CPNE8: variants seen among roughly 807,000 people sequenced by gnomAD.
The protein encoded by CPNE8 is copine 8.
A neutral mutation model predicts 81.5 loss-of-function variants in CPNE8; 45 were observed. That is an observed-to-expected ratio of 0.55 (90% CI 0.44 to 0.71). The LOEUF is 0.71. Ranked by LOEUF, CPNE8 falls within the 30% of genes least tolerant of loss-of-function variation. The probability of loss-of-function intolerance (pLI) is 0.00; values close to 1 mark genes in which losing one functional copy is unlikely to be tolerated. For missense variants in CPNE8, 594 were observed against 672.1 expected (o/e 0.88, Z 1.28); for synonymous variants, 252 against 226.3 (o/e 1.11, Z -1.02).
chr12:38,721,576 A>G (rs1565583568), intron 13 of CPNE8, among the ~76,000 whole-genome samples: 1 of 152,160 alleles, frequency 6.6e-6, no homozygotes, highest in Non-Finnish European at 1.5e-5. Context: ...CTTCCTGGCT[A>G]TAGGAGAAGA....
At chr12:38,710,396 G>A (rs368580695) in intron 13 of CPNE8, among the ~76,000 whole-genome samples, 112 of 151,816 alleles carry the variant, frequency 7.4e-4, no homozygotes, top group African/African-American at 2.5e-3. Context: ...GAACTCTTGA[G>A]TCATATAGAC....
chr12:38,833,714 G>A (rs1943335534), intron 5 of CPNE8, among the ~76,000 whole-genome samples: 2 of 151,910 alleles, frequency 1.3e-5, no homozygotes, highest in South Asian at 2.1e-4. Flanking sequence ...TCCTGACCTC[G>A]TGATCTGCCC....
intron 1 of CPNE8, among the ~76,000 whole-genome samples, chr12:38,877,165 A>G (rs186050339): frequency 1.3e-5 from 2 of 152,308 alleles, no homozygotes; most frequent in Admixed American, 6.5e-5. Flanking sequence ...TTCTATGAGT[A>G]TTGAAAATGT....
At chr12:38,671,184 T>C (rs1191251791) in intron 18 of CPNE8, among the ~76,000 whole-genome samples, 3 of 152,182 alleles carry the variant, frequency 2.0e-5, no homozygotes, top group Non-Finnish European at 4.4e-5. Context: ...TTAATTTTTC[T>C]TTCTAATTTA....
At chr12:38,709,564 T>C (rs936533806) in intron 13 of CPNE8, among the ~76,000 whole-genome samples, 4 of 152,212 alleles carry the variant, frequency 2.6e-5, no homozygotes, top group African/African-American at 9.6e-5. Flanking sequence ...ATTGTTGCTG[T>C]GAGGACCATA....
chr12:38,730,387 A>G, intron 10 of CPNE8, 29 bp from the exon 11 acceptor site: 1 of 1,237,692 alleles, frequency 8.1e-7, no homozygotes, highest in Non-Finnish European at 1.2e-6. Context: ...AGTACATAAT[A>G]TTGGCTTTCA....
At chr12:38,790,114 C>T (rs529305353) in intron 6 of CPNE8, among the ~76,000 whole-genome samples, 179 of 151,682 alleles carry the variant, frequency 1.2e-3, no homozygotes, top group African/African-American at 4.0e-3. Flanking sequence ...TAGGTATATA[C>T]AAAAAAGAAA....
intron 13 of CPNE8, among the ~76,000 whole-genome samples, chr12:38,711,208 G>A (rs150758850): frequency 7.2e-5 from 11 of 152,248 alleles, no homozygotes; most frequent in East Asian, 3.9e-4. Flanking sequence ...GCATCACTCA[G>A]TTCTTTCAGT....
intron 10 of CPNE8, among the ~76,000 whole-genome samples, chr12:38,739,671 A>G (rs902746150): frequency 6.6e-6 from 1 of 152,140 alleles, no homozygotes; most frequent in Non-Finnish European, 1.5e-5. Flanking sequence ...ACCTTTTCCT[A>G]TTCACTTTTT....
At chr12:38,741,898 A>T (rs1398364685) in intron 10 of CPNE8, among the ~76,000 whole-genome samples, 1 of 152,268 alleles carries the variant, frequency 6.6e-6, no homozygotes, top group Non-Finnish European at 1.5e-5. Context: ...GGAAACATTT[A>T]TGCAGCCAAC....
intron 5 of CPNE8, among the ~76,000 whole-genome samples, chr12:38,836,593 C>T (rs1943384856): frequency 6.6e-6 from 1 of 152,066 alleles, no homozygotes. Context: ...CTACAAAATC[C>T]CTTTTATAAA....
At chr12:38,891,597 G>A (rs141134740) in intron 1 of CPNE8, among the ~76,000 whole-genome samples, 6,954 of 151,886 alleles carry the variant, frequency 0.046, 179 homozygotes, top group East Asian at 0.13. Flanking sequence ...ACAGGCAGGC[G>A]CCACCATGCC....
intron 16 of CPNE8, among the ~76,000 whole-genome samples, chr12:38,683,734 A>C (rs1278609316): frequency 2.6e-5 from 4 of 152,126 alleles, no homozygotes; most frequent in Non-Finnish European, 4.4e-5. Flanking sequence ...ATGACTCTTA[A>C]ATAGCCATCT....
intron 6 of CPNE8, among the ~76,000 whole-genome samples, chr12:38,820,368 C>G (rs1234705380): frequency 6.6e-6 from 1 of 151,452 alleles, no homozygotes; most frequent in Admixed American, 6.6e-5. Context: ...TTGTGCCACT[C>G]TACTCCAGCC....
At position 38,905,525 on chromosome 12, in the gene CPNE8, G is replaced by C; in HGVS notation, c.10C>G (p.Arg4Gly). 1 of 1,565,280 alleles carries C rather than the reference G, an allele frequency of 6.4e-7. No homozygotes were observed. The highest frequency in any genetic ancestry group is 2.3e-5 in the East Asian group (1 of 42,712). The stretch of plus-strand genomic sequence containing the variant: ...CCGATGCCCGCAGTGCTGTTGTAGC[G>C]GCTGTCCATATTGGGAGGAGGCGCC... Reference protein sequence around the residue: MDSRYNSTAGIGDL... With the variant: MDSGYNSTAGIGDL... Residue 4 changes from arginine to glycine, a missense_variant, in exon 1 of 20, where the codon CGC becomes GGC. Arg to Gly is a moderately radical substitution (Grantham distance 125). Transcript: ENST00000331366.
At position 38,867,305 on chromosome 12, in the gene CPNE8, AGTGTGT is replaced by A. The variant is rs35874005; in HGVS notation, c.186+5693_186+5698del. ...GTCCTTGATGTTTGTTGAATAGTAT[AGTGTGT>A]GTGTGTGTGTGTGTGTGTGTGTGTG... On this transcript the variant is annotated intron_variant, in intron 3 of 19. Transcript: ENST00000331366. Among the ~76,000 whole-genome samples, 953 of 133,208 alleles carry A rather than the reference AGTGTGT, an allele frequency of 7.2e-3. 17 individuals carry two copies. The highest frequency in any genetic ancestry group is 0.024 in the African/African-American group (853 of 35,626). The allele number at this position is 133,208 out of a possible 152,430, so 87.4% of individuals were successfully genotyped here.
chr12:38,872,070 G>A (rs1016361334), intron 3 of CPNE8, among the ~76,000 whole-genome samples: 1 of 152,122 alleles, frequency 6.6e-6, no homozygotes, highest in African/African-American at 2.4e-5. Context: ...GGAAGGCAGA[G>A]GTTGCAGTGA....
chr12:38,904,040 C>A (rs1217504023), intron 1 of CPNE8, among the ~76,000 whole-genome samples: 1 of 152,122 alleles, frequency 6.6e-6, no homozygotes, highest in Non-Finnish European at 1.5e-5. Flanking sequence ...AATTTTCACC[C>A]CCAGAAAAGA....
intron 1 of CPNE8, among the ~76,000 whole-genome samples, chr12:38,904,381 C>T (rs781066520): frequency 2.0e-5 from 3 of 151,716 alleles, no homozygotes; most frequent in Non-Finnish European, 4.4e-5. Flanking sequence ...GGTGATGCTG[C>T]TTTATTTACA....
Sources: gnomAD v4.1 joint callset for allele counts (sites outside exome capture counted in the v4.1 genomes callset) on GRCh38, gnomAD v4.1.1 for gene constraint, MANE v1.5 for transcripts, NCBI Gene and HGNC (gene_info 2026-07-23, HGNC 2026-07-21) for gene names.